Variants in TP63 observed in about 807,000 individuals in gnomAD.
The protein encoded by TP63 is tumor protein 63.
Under a neutral mutation model 82.8 loss-of-function variants are expected in TP63, and 17 were observed. That is an observed-to-expected ratio of 0.21 (90% CI 0.14 to 0.31). TP63 has a LOEUF of 0.31. Ranked by LOEUF, TP63 falls within the 10% of genes least tolerant of loss-of-function variation. TP63 has a pLI of 1.00. For missense variants in TP63, 648 were observed against 895.3 expected (o/e 0.72, Z 3.52); for synonymous variants, 330 against 321.7 (o/e 1.03, Z -0.28).
intron 4 of TP63, among the ~76,000 whole-genome samples, chr3:189,854,397 A>T (rs943934408): frequency 6.6e-6 from 1 of 151,898 alleles, no homozygotes; most frequent in African/African-American, 2.4e-5. Context: ...CGCCCAGCTA[A>T]TTTTTTTGTA....
intron 3 of TP63, among the ~76,000 whole-genome samples, chr3:189,754,987 G>A (rs1240117128): frequency 6.6e-6 from 1 of 152,062 alleles, no homozygotes; most frequent in African/African-American, 2.4e-5. Flanking sequence ...TATGATGTAT[G>A]ATTTACTTTA....
intron 3 of TP63, among the ~76,000 whole-genome samples, chr3:189,751,631 T>G (rs554636416): frequency 1.1e-4 from 17 of 152,352 alleles, no homozygotes; most frequent in African/African-American, 4.1e-4. Context: ...TTGAGAAGTG[T>G]CTGTTCATAT....
At chr3:189,756,379 G>A (rs536386149) in intron 3 of TP63, among the ~76,000 whole-genome samples, 28 of 152,292 alleles carry the variant, frequency 1.8e-4, no homozygotes, top group Admixed American at 1.7e-3. Flanking sequence ...GTCCCCATAA[G>A]AGCAGACTGT....
At chr3:189,675,226 C>G (rs1715284614) in intron 1 of TP63, among the ~76,000 whole-genome samples, 1 of 152,082 alleles carries the variant, frequency 6.6e-6, no homozygotes, top group African/African-American at 2.4e-5. Context: ...ATTCATAACT[C>G]AGTCATCTCC....
At chr3:189,613,807 T>C in the TP63 span, among the ~76,000 whole-genome samples, 1 of 152,200 alleles carries the variant, frequency 6.6e-6, no homozygotes, top group African/African-American at 2.4e-5. Flanking sequence ...ATTTTGGACC[T>C]TTAAAATTTG....
At chr3:189,751,039 A>T (rs141223743) in intron 3 of TP63, among the ~76,000 whole-genome samples, 3 of 152,208 alleles carry the variant, frequency 2.0e-5, no homozygotes, top group African/African-American at 7.2e-5. Flanking sequence ...CTGATTGTTC[A>T]GTTCCCACCT....
At chr3:189,604,028 A>G in the TP63 span, among the ~76,000 whole-genome samples, 1 of 152,144 alleles carries the variant, frequency 6.6e-6, no homozygotes. Flanking sequence ...CTTGAAAAAT[A>G]TATATATATT....
At chr3:189,891,794 C>T (rs927907527) in intron 13 of TP63, among the ~76,000 whole-genome samples, 2 of 152,200 alleles carry the variant, frequency 1.3e-5, no homozygotes, top group African/African-American at 4.8e-5. Context: ...TCATGCTGCT[C>T]TCTTTGGGGT....
intron 3 of TP63, among the ~76,000 whole-genome samples, chr3:189,765,276 A>G (rs1722852126): frequency 6.6e-6 from 1 of 151,954 alleles, no homozygotes; most frequent in East Asian, 1.9e-4. Flanking sequence ...TGACTAATTG[A>G]TATGAGAAAC....
chr3:189,720,351 A>G (rs1719287266), intron 1 of TP63, among the ~76,000 whole-genome samples: 1 of 152,178 alleles, frequency 6.6e-6, no homozygotes, highest in African/African-American at 2.4e-5. Context: ...TGGCTTAAGT[A>G]TATTTCATTT....
intron 3 of TP63, among the ~76,000 whole-genome samples, chr3:189,746,885 GA>G (rs1452273386): frequency 6.9e-6 from 1 of 144,942 alleles, no homozygotes; most frequent in East Asian, 2.0e-4. Context: ...AAAGATGGAA[GA>G]AAAAATGGAA....
At chr3:189,814,741 C>T (rs577027703) in intron 4 of TP63, among the ~76,000 whole-genome samples, 14 of 152,160 alleles carry the variant, frequency 9.2e-5, no homozygotes, top group African/African-American at 3.1e-4. Context: ...AGAGTTGTTC[C>T]CTCATCCAGA....
chr3:189,685,508 G>A (rs2108705081), intron 1 of TP63, among the ~76,000 whole-genome samples: 1 of 152,246 alleles, frequency 6.6e-6, no homozygotes, highest in Admixed American at 6.5e-5. Context: ...GCCAGCTTCT[G>A]TAGCACTTAC....
intron 4 of TP63, among the ~76,000 whole-genome samples, chr3:189,834,133 C>T (rs990932981): frequency 3.3e-5 from 5 of 152,146 alleles, no homozygotes; most frequent in African/African-American, 4.8e-5. Flanking sequence ...AGCTTGACTA[C>T]CGTGGAGAGC....
chr3:189,615,019 C>A, the TP63 span, among the ~76,000 whole-genome samples: 3 of 152,232 alleles, frequency 2.0e-5, no homozygotes, highest in South Asian at 6.2e-4. Context: ...AGCTTCCTAA[C>A]AAATCTCTGT....
chr3:189,651,443 G>A (rs115990063), intron 1 of TP63, among the ~76,000 whole-genome samples: 2,221 of 145,744 alleles, frequency 0.015, 288 homozygotes, highest in African/African-American at 0.055. Context: ...CTACTTAGGA[G>A]GCTGAATCAG....
intron 1 of TP63, among the ~76,000 whole-genome samples, chr3:189,702,341 A>C (rs1717877310): frequency 6.6e-6 from 1 of 152,214 alleles, no homozygotes; most frequent in African/African-American, 2.4e-5. Flanking sequence ...AATGATTCAA[A>C]TTTGAAACCC....
chr3:189,736,436 T>G (rs1376976363), intron 1 of TP63, among the ~76,000 whole-genome samples: 3 of 152,086 alleles, frequency 2.0e-5, no homozygotes, highest in East Asian at 3.8e-4. Context: ...CATTAGCTCT[T>G]ACCTGACCTT....
At chr3:189,880,238 T>TAC (rs1400725029) in intron 10 of TP63, 2 of 1,549,074 alleles carry the variant, frequency 1.3e-6, no homozygotes, top group Non-Finnish European at 1.7e-6. Flanking sequence ...TGTGAGTGTG[T>TAC]GTGTGTGTAT....
Sources: allele counts gnomAD v4.1 joint callset (sites outside exome capture counted in the v4.1 genomes callset), GRCh38; gene constraint gnomAD v4.1.1; transcripts MANE v1.5; gene names NCBI Gene and HGNC (gene_info 2026-07-23, HGNC 2026-07-21).